PTPRM: variants seen among roughly 807,000 people sequenced by gnomAD.
PTPRM encodes receptor-type tyrosine-protein phosphatase mu.
PTPRM carries 47 observed loss-of-function variants against 186.7 expected under a neutral mutation model. That is an observed-to-expected ratio of 0.25 (90% CI 0.20 to 0.32). The LOEUF (loss-of-function observed/expected upper bound fraction) is 0.32. Among genes scored for constraint, PTPRM ranks in the 10% least tolerant of loss-of-function variants. The probability of loss-of-function intolerance (pLI) is 1.00; values close to 1 mark genes in which losing one functional copy is unlikely to be tolerated. For missense variants in PTPRM, 1,494 were observed against 1,865.0 expected (o/e 0.80, Z 3.66); for synonymous variants, 668 against 674.9 (o/e 0.99, Z 0.16).
intron 2 of PTPRM, among the ~76,000 whole-genome samples, chr18:7,837,602 A>G (rs953649764): frequency 2.0e-5 from 3 of 151,986 alleles, no homozygotes; most frequent in Admixed American, 1.3e-4. Context: ...CTACAGGCGC[A>G]TGCCACCACA....
At position 8,376,067 on chromosome 18, in the gene PTPRM, G is replaced by C. The variant is rs774536356; in HGVS notation, c.3193G>C (p.Glu1065Gln). 6.2e-7 allele frequency: 1 copy of C among 1,611,544 alleles called. No individual in the cohort carries two copies. Among genetic ancestry groups the C allele is most frequent in the South Asian group, 1.1e-5 (1 of 91,040 alleles). ...GCAGAGAGGTGTGCATGAAATCCGA[G>C]AGATCAGACAGTTTCACTTCACTGG... is the stretch of plus-strand genomic sequence containing the variant. ...VEKRGVHEIREIRQFHFTGWP... is the reference protein window; with the variant it reads ...VEKRGVHEIRQIRQFHFTGWP... The change falls in exon 25 of 33, where the codon GAG (glutamate) becomes CAG (glutamine). Residue 1065 changes from glutamate to glutamine, a missense_variant. Glu to Gln is a conservative substitution (Grantham distance 29). Transcript: ENST00000580170.
chr18:8,375,957 GA>G, intron 24 of PTPRM, 88 bp from the exon 25 acceptor site: 1 of 1,396,686 alleles, frequency 7.2e-7, no homozygotes, highest in African/African-American at 1.4e-5. Flanking sequence ...GCTACCTGGG[GA>G]CTGTTTCCAC....
intron 1 of PTPRM, among the ~76,000 whole-genome samples, chr18:7,679,359 A>G (rs2039425125): frequency 6.6e-6 from 1 of 152,166 alleles, no homozygotes; most frequent in African/African-American, 2.4e-5. Flanking sequence ...CTTTCAGATC[A>G]AGGTTGATAA....
At chr18:8,210,783 A>T (rs1601242594) in intron 14 of PTPRM, among the ~76,000 whole-genome samples, 1 of 152,278 alleles carries the variant, frequency 6.6e-6, no homozygotes, top group Non-Finnish European at 1.5e-5. Context: ...CCCTGGGGGA[A>T]CTGTTGCTTT....
At chr18:7,854,219 A>T (rs914087081) in intron 2 of PTPRM, among the ~76,000 whole-genome samples, 7 of 152,178 alleles carry the variant, frequency 4.6e-5, no homozygotes, top group African/African-American at 1.7e-4. Flanking sequence ...TTCTTCTATC[A>T]TGTTACCTCT....
At chr18:7,693,273 A>G (rs2039774118) in intron 1 of PTPRM, among the ~76,000 whole-genome samples, 1 of 152,194 alleles carries the variant, frequency 6.6e-6, no homozygotes, top group Non-Finnish European at 1.5e-5. Flanking sequence ...GCAGGATCTT[A>G]TTCTTCTTAC....
intron 1 of PTPRM, among the ~76,000 whole-genome samples, chr18:7,718,204 G>A (rs1336246187): frequency 2.0e-5 from 3 of 152,134 alleles, no homozygotes; most frequent in Admixed American, 6.5e-5. Flanking sequence ...CATGGTACTG[G>A]TATAAAAATA....
chr18:8,133,631 A>T (rs1568396806), intron 13 of PTPRM, among the ~76,000 whole-genome samples: 1 of 152,114 alleles, frequency 6.6e-6, no homozygotes, highest in Non-Finnish European at 1.5e-5. Flanking sequence ...GAGTAGGGAA[A>T]GCTCCTATGC....
chr18:8,018,454 T>A (rs1169603295), intron 7 of PTPRM, among the ~76,000 whole-genome samples: 1 of 152,190 alleles, frequency 6.6e-6, no homozygotes, highest in Non-Finnish European at 1.5e-5. Flanking sequence ...ATTCGATTTA[T>A]CCTCTGGGCA....
intron 7 of PTPRM, among the ~76,000 whole-genome samples, chr18:7,960,472 T>TACACAC (rs1489255842): frequency 6.4e-5 from 7 of 108,638 alleles, no homozygotes; most frequent in African/African-American, 2.9e-4. Flanking sequence ...TATATATATA[T>TACACAC]ATATATATAC....
chr18:8,164,498 A>G (rs1003923333), intron 14 of PTPRM, among the ~76,000 whole-genome samples: 6 of 152,244 alleles, frequency 3.9e-5, no homozygotes, highest in African/African-American at 1.4e-4. Context: ...TATCCATACA[A>G]CGGAGTACTA....
intron 9 of PTPRM, among the ~76,000 whole-genome samples, chr18:8,081,950 C>T (rs1328094103): frequency 6.6e-6 from 1 of 152,096 alleles, no homozygotes. Flanking sequence ...AGCTAAGAAC[C>T]CCAGTGTTAT....
chr18:8,386,693 G>A (rs1233282581), intron 30 of PTPRM, among the ~76,000 whole-genome samples: 1 of 152,150 alleles, frequency 6.6e-6, no homozygotes, highest in Non-Finnish European at 1.5e-5. Context: ...TCTTCACACT[G>A]AGCTCAGAGA....
intron 2 of PTPRM, among the ~76,000 whole-genome samples, chr18:7,881,619 A>G (rs1223652238): frequency 6.6e-6 from 1 of 152,078 alleles, no homozygotes; most frequent in Admixed American, 6.6e-5. Flanking sequence ...CTCTTTCTTC[A>G]GAGCTTCATT....
chr18:8,046,612 C>T (rs1246315223), intron 7 of PTPRM, among the ~76,000 whole-genome samples: 1 of 152,124 alleles, frequency 6.6e-6, no homozygotes, highest in Non-Finnish European at 1.5e-5. Context: ...GGCCCCAGTC[C>T]GTGTGTCTCT....
chr18:7,725,061 G>A (rs1054537838), intron 1 of PTPRM, among the ~76,000 whole-genome samples: 1 of 152,160 alleles, frequency 6.6e-6, no homozygotes, highest in Non-Finnish European at 1.5e-5. Context: ...GAGACAAAGG[G>A]TCTTCAGTAG....
chr18:7,851,035 A>G (rs545865098), intron 2 of PTPRM, among the ~76,000 whole-genome samples: 27 of 152,338 alleles, frequency 1.8e-4, no homozygotes, highest in African/African-American at 5.5e-4. Flanking sequence ...TAATTCTGTT[A>G]AAAAGTGAAA....
intron 14 of PTPRM, among the ~76,000 whole-genome samples, chr18:8,194,227 C>T (rs2093745473): frequency 6.6e-6 from 1 of 152,198 alleles, no homozygotes; most frequent in Non-Finnish European, 1.5e-5. Context: ...GTCTTCATCC[C>T]CTTCATCTCC....
chr18:8,295,529 C>T (rs1028913904), intron 19 of PTPRM, among the ~76,000 whole-genome samples: 1 of 152,106 alleles, frequency 6.6e-6, no homozygotes, highest in Non-Finnish European at 1.5e-5. Flanking sequence ...CCCTTCATCT[C>T]TTCCTCTTTC....
Sources: allele counts gnomAD v4.1 joint callset (sites outside exome capture counted in the v4.1 genomes callset), GRCh38; gene constraint gnomAD v4.1.1; transcripts MANE v1.5; gene names NCBI Gene and HGNC (gene_info 2026-07-23, HGNC 2026-07-21).